Variants in BNIP2 observed in about 807,000 individuals in gnomAD.
BNIP2 encodes the protein BCL2/adenovirus E1B 19 kDa protein-interacting protein 2.
A neutral mutation model predicts 43.4 loss-of-function variants in BNIP2; 36 were observed. That is an observed-to-expected ratio of 0.83 (90% confidence interval 0.64 to 1.10). BNIP2 has a LOEUF of 1.10. BNIP2 is among the 50% of genes least tolerant of loss of function. The pLI is 0.00. For synonymous variants in BNIP2, 146 were observed against 121.0 expected, an observed-to-expected ratio of 1.21 and a Z score of -1.35; for missense variants, 417 against 374.1, an observed-to-expected ratio of 1.11 and a Z score of -0.95.
intron 5 of BNIP2, among the ~76,000 whole-genome samples, chr15:59,675,787 G>A (rs1893244671): frequency 6.6e-6 from 1 of 152,152 alleles, no homozygotes; most frequent in African/African-American, 2.4e-5. Flanking sequence ...TCAGCAATAA[G>A]AAGGAATGTA....
chr15:59,669,127 T>TA, intron 8 of BNIP2, 137 bp from the exon 9 acceptor site: 1 of 1,025,988 alleles, frequency 9.7e-7, no homozygotes, highest in Non-Finnish European at 1.4e-6. Context: ...GTGATGGATG[T>TA]ACTAATCACC....
rs541052463 is a variant in BNIP2 at position 59,678,477 on chromosome 15, G to A, written c.296-390C>T. On this transcript the variant is annotated intron_variant, in intron 4 of 9. Transcript: ENST00000607373. Reference sequence around the variant, plus strand: ...TAGGTTACTTCAAGTAGCTATCTGGGAGCCAATTTTGTTGTTGTTGAGCAC... The same window carrying A: ...TAGGTTACTTCAAGTAGCTATCTGGAAGCCAATTTTGTTGTTGTTGAGCAC... 6 of 1,063,888 alleles carry A rather than the reference G, an allele frequency of 5.6e-6. No homozygotes were observed. In the African/African-American group the frequency reaches 8.5e-5, roughly 15 times the overall value. The allele number at this position is 1,063,888 out of a possible 1,614,324, so 65.9% of individuals were successfully genotyped here.
At position 59,674,520 on chromosome 15, in the gene BNIP2, A is replaced by G. The variant is rs961274219; in HGVS notation, c.473-1781T>C. On this transcript the variant is annotated intron_variant, in intron 5 of 9. Coordinates refer to ENST00000607373, the MANE Select transcript of BNIP2 (RefSeq NM_004330.4). ...TGATGCAGATTACGCCATTTTCTTC[A>G]TCTGAGTACGATTAAATTAGGCAGA... Among the ~76,000 whole-genome samples, 33 of 152,200 alleles carry G rather than the reference A, an allele frequency of 2.2e-4. 1 individual carries two copies. Among genetic ancestry groups the G allele is most frequent in the Non-Finnish European group, 4.4e-4 (30 of 68,038 alleles).
At chr15:59,672,501 G>A in intron 6 of BNIP2, 136 bp downstream of exon 6, 1 of 597,970 alleles carries the variant, frequency 1.7e-6, no homozygotes, top group Non-Finnish European at 2.9e-6. Context: ...CCAACTCCTG[G>A]ACTCAAGTGA....
chr15:59,666,903 T>C (rs1892602492), intron 9 of BNIP2, among the ~76,000 whole-genome samples: 1 of 152,158 alleles, frequency 6.6e-6, no homozygotes, highest in South Asian at 2.1e-4. Context: ...TTCCATATTT[T>C]TTCTGATGTC....
intron 3 of BNIP2, among the ~76,000 whole-genome samples, 184 bp from the exon 4 acceptor site, chr15:59,679,952 T>C (rs1490427556): frequency 3.3e-5 from 5 of 152,190 alleles, no homozygotes; most frequent in Admixed American, 2.6e-4. Flanking sequence ...TGGCAAGAGA[T>C]CAATAAAGTA....
chr15:59,683,113 T>C (rs1310051845), intron 1 of BNIP2, among the ~76,000 whole-genome samples: 2 of 152,246 alleles, frequency 1.3e-5, no homozygotes, highest in Admixed American at 6.5e-5. Context: ...CCTTCTCATA[T>C]AGCTCGGCAT....
chr15:59,680,363 G>A, intron 2 of BNIP2, 55 bp from the exon 3 acceptor site: 1 of 1,312,092 alleles, frequency 7.6e-7, no homozygotes, highest in Non-Finnish European at 1.0e-6. Context: ...ATTTTTTTTT[G>A]AAGTTCAATC....
At chr15:59,684,700 CCT>C (rs1893904678) in intron 1 of BNIP2, among the ~76,000 whole-genome samples, 1 of 152,152 alleles carries the variant, frequency 6.6e-6, no homozygotes, top group Non-Finnish European at 1.5e-5. Context: ...GATGTATTTT[CCT>C]AAATTCAATA....
Position 59,682,490 on chromosome 15 carries a change from C to A in BNIP2, c.-33G>T. ...CTGGATTCAATGTCAACTACAAACT[C>A]TTGATAATCCAGGGAGCCAATGTCC... On this transcript the variant is annotated 5_prime_UTR_variant, in exon 2 of 10. Coordinates refer to ENST00000607373, the MANE Select transcript of BNIP2 (RefSeq NM_004330.4). 6.2e-7 allele frequency: 1 copy of A among 1,613,194 alleles called. No homozygotes were observed. The highest frequency in any genetic ancestry group is 8.5e-7 in the Non-Finnish European group (1 of 1,179,646).
In BNIP2 at chr15:59,679,675, G is replaced by A. The variant is rs776495095; in HGVS notation, c.212C>T (p.Ser71Leu). 6.2e-7 allele frequency: 1 copy of A among 1,612,772 alleles called. No homozygotes were observed. The highest frequency in any genetic ancestry group is 1.7e-5 in the Admixed American group (1 of 59,796). ...CTCCCCACTTTCATCCAAATCATCT[G>A]ACAATACAGAGCCATCACTAGGATC... ...TLDPSDGSVL[S>L]DDLDESGEID... The change falls in exon 4 of 10, where the codon TCA becomes TTA. Residue 71 changes from serine to leucine, a missense_variant. Ser to Leu is a moderately radical substitution (Grantham distance 145). Transcript: ENST00000607373.
At chr15:59,664,758 T>C (rs980072036) in intron 9 of BNIP2, among the ~76,000 whole-genome samples, 17 of 152,120 alleles carry the variant, frequency 1.1e-4, no homozygotes, top group Admixed American at 3.3e-4. Flanking sequence ...GGGATCCAGG[T>C]GGTACGAAAA....
chr15:59,669,661 A>C (rs1028936347), intron 7 of BNIP2, among the ~76,000 whole-genome samples: 1 of 152,192 alleles, frequency 6.6e-6, no homozygotes, highest in African/African-American at 2.4e-5. Context: ...GAAAGAGGCC[A>C]ATACTGAATG....
chr15:59,688,349 C>A (rs6151441), intron 1 of BNIP2, among the ~76,000 whole-genome samples: 74,908 of 151,910 alleles, frequency 0.49, 18,915 homozygotes, highest in East Asian at 0.82. Flanking sequence ...ATTGAAAATA[C>A]GAAATCAGGT....
Position 59,669,306 on chromosome 15 carries a change from G to A in BNIP2, c.764C>T (p.Thr255Ile). 6.4e-7 allele frequency: 1 copy of A among 1,557,186 alleles called. No homozygotes were observed. ...AAATGGTCTTGTAACAGCCAGAAGT[G>A]TTCTGATAAACCAAGAAGGATGTAC... ...IIVHPSWFIR[T>I]LLAVTRPFIS... The change falls in exon 8 of 10, where the codon ACA becomes ATA. Residue 255 changes from threonine (T) to isoleucine (I), a missense_variant. Thr to Ile is a moderately conservative substitution (Grantham distance 89). Transcript: ENST00000607373.
intron 9 of BNIP2, 108 bp downstream of exon 9, chr15:59,668,784 G>C (rs566036102): frequency 2.0e-5 from 20 of 1,002,318 alleles, no homozygotes; most frequent in Non-Finnish European, 2.9e-5. Context: ...GCGCGCGCGC[G>C]CACAGTTATA....
At chr15:59,673,571 G>GCA (rs1458329970) in intron 5 of BNIP2, among the ~76,000 whole-genome samples, 1 of 152,038 alleles carries the variant, frequency 6.6e-6, no homozygotes, top group Non-Finnish European at 1.5e-5. Context: ...GGGATACAGC[G>GCA]CACACAAACA....
chr15:59,678,387 C>T, intron 4 of BNIP2: 2 of 1,104,766 alleles, frequency 1.8e-6, no homozygotes, highest in African/African-American at 3.3e-5. Context: ...AATCTTAGTA[C>T]ACTGGCCTTA....
intron 3 of BNIP2, among the ~76,000 whole-genome samples, 187 bp from the exon 4 acceptor site, chr15:59,679,955 A>T (rs575235101): frequency 1.3e-5 from 2 of 152,334 alleles, no homozygotes; most frequent in East Asian, 3.9e-4. Context: ...CAAGAGATCA[A>T]TAAAGTATCA....
Sources: allele counts gnomAD v4.1 joint callset (sites outside exome capture counted in the v4.1 genomes callset), GRCh38; gene constraint gnomAD v4.1.1; transcripts MANE v1.5; gene names NCBI Gene and HGNC (gene_info 2026-07-23, HGNC 2026-07-21).